The following SLC25A37 variants were observed in gnomAD, a reference collection of about 807,000 sequenced individuals.
SLC25A37 encodes solute carrier family 25 member 37, also known as mitoferrin-1.
A neutral mutation model predicts 31.0 loss-of-function variants in SLC25A37; 17 were observed. The observed-to-expected ratio is 0.55, with a 90% CI of 0.38 to 0.82. The LOEUF (loss-of-function observed/expected upper bound fraction) is 0.82. Among genes scored for constraint, SLC25A37 ranks in the 40% least tolerant of loss-of-function variants. The pLI is 0.00. For synonymous variants in SLC25A37, 222 were observed against 193.0 expected, an observed-to-expected ratio of 1.15 and a Z score of -1.24; for missense variants, 404 against 465.8, an observed-to-expected ratio of 0.87 and a Z score of 1.22.
In SLC25A37 at chr8:23,529,232, C is replaced by T. The variant is rs1192130050; in HGVS notation, c.210+20C>T. On this transcript the variant is annotated intron_variant, in intron 1 of 3. Transcript: ENST00000519973. This position sits in a 1 kb window ranked among gnomAD's most constrained non-coding sequence, Gnocchi z 4.1. ...GTGAAGGTGAGGCGCGGGGAGACTT[C>T]GGGGACGCAACGAGCGGAGAAGGAG... 2.5e-6 allele frequency: 4 copies of T among 1,597,050 alleles called. No individual in the cohort carries two copies. The highest frequency in any genetic ancestry group is 2.3e-5 in the East Asian group (1 of 43,226).
At chr8:23,547,622 C>T (rs1802103077) in intron 1 of SLC25A37, among the ~76,000 whole-genome samples, 1 of 152,190 alleles carries the variant, frequency 6.6e-6, no homozygotes, top group South Asian at 2.1e-4. Context: ...AGCACTTTTG[C>T]TTTGCAGCGG....
chr8:23,545,510 G>T (rs1367956034), intron 1 of SLC25A37, among the ~76,000 whole-genome samples: 1 of 152,244 alleles, frequency 6.6e-6, no homozygotes, highest in African/African-American at 2.4e-5. Flanking sequence ...CAACAGGCCA[G>T]TGCGGTGACG....
In SLC25A37 at chr8:23,573,716, A is replaced by G. The variant is rs1162566351; in HGVS notation, c.*1861A>G. On this transcript the variant is annotated 3_prime_UTR_variant, in exon 4 of 4. Transcript: ENST00000519973. ...TCAGATCAGGGATGGGAAAGAGCCAAACTGGGTACCTCCCACGTGTGCCCC... is the reference window on the plus strand; with the variant it reads ...TCAGATCAGGGATGGGAAAGAGCCAGACTGGGTACCTCCCACGTGTGCCCC... The G allele has an allele frequency of 6.8e-6, 3 of 440,108 alleles. No homozygotes were observed. In the Admixed American group the frequency reaches 7.2e-5, roughly 11 times the overall value. 27.3% of individuals were successfully genotyped at this position (440,108 alleles called of 1,614,324 possible). A position where few individuals can be genotyped will look rare whatever the true frequency, so the allele number is the denominator to read the frequency against.
In SLC25A37 at chr8:23,572,238, AAAAAAAAAAATTT is replaced by A. The variant is rs1802878695; in HGVS notation, c.*385_*397del. ...AAAAAAAAAAAAAAAAAAAAAAAAA[AAAAAAAAAAATTT>A]ATGTATATAAAAGTTGCATTACACA... is the stretch of plus-strand genomic sequence containing the variant. On this transcript the variant is annotated 3_prime_UTR_variant, in exon 4 of 4. Coordinates refer to ENST00000519973, the MANE Select transcript of SLC25A37 (RefSeq NM_016612.4). 1 of 67,196 alleles carries A rather than the reference AAAAAAAAAAATTT, an allele frequency of 1.5e-5. No individual in the cohort carries two copies. The highest frequency in any genetic ancestry group is 4.4e-5 in the Non-Finnish European group (1 of 22,510). 4.2% of individuals were successfully genotyped at this position (67,196 alleles called of 1,614,324 possible).
chr8:23,568,237 C>T, intron 2 of SLC25A37, 85 bp from the exon 3 acceptor site: 1 of 1,479,944 alleles, frequency 6.8e-7, no homozygotes, highest in Non-Finnish European at 9.5e-7. Flanking sequence ...AAAGCTAAGT[C>T]CTGGGTTCCG....
At chr8:23,544,943 C>G (rs1279892729) in intron 1 of SLC25A37, among the ~76,000 whole-genome samples, 1 of 152,158 alleles carries the variant, frequency 6.6e-6, no homozygotes, top group East Asian at 1.9e-4. Flanking sequence ...ACTAAGGACC[C>G]GAGGAGGGTG....
In SLC25A37 at chr8:23,574,125, A is replaced by G. The variant is rs1802931202; in HGVS notation, c.*2270A>G. 1 of 333,244 alleles carries G rather than the reference A, an allele frequency of 3.0e-6. No homozygotes were observed. Among genetic ancestry groups the G allele is most frequent in the Non-Finnish European group, 6.0e-6 (1 of 166,882 alleles). 20.6% of individuals were successfully genotyped at this position (333,244 alleles called of 1,614,324 possible). A position where few individuals can be genotyped will look rare whatever the true frequency, so the allele number is the denominator to read the frequency against. ...GCTTTCACTGGTGTTTAGAAAATAA[A>G]CTTGATTTCTCTAGGAGCACTCCTT... On this transcript the variant is annotated 3_prime_UTR_variant, in exon 4 of 4. Coordinates refer to ENST00000519973, the MANE Select transcript of SLC25A37 (RefSeq NM_016612.4).
At chr8:23,544,448 CTG>C (rs1354002305) in intron 1 of SLC25A37, among the ~76,000 whole-genome samples, 2 of 152,172 alleles carry the variant, frequency 1.3e-5, no homozygotes, top group African/African-American at 4.8e-5. Flanking sequence ...TGGGGTATGA[CTG>C]TGGGTGCTGG....
At chr8:23,537,195 C>CA (rs71550712) in intron 1 of SLC25A37, among the ~76,000 whole-genome samples, 62,544 of 117,040 alleles carry the variant, frequency 0.53, 18,850 homozygotes, top group Non-Finnish European at 0.67. Flanking sequence ...GACCCTGTCT[C>CA]AAAAAAAAAA....
At position 23,571,264 on chromosome 8, in the gene SLC25A37, TG is replaced by T. The variant is rs369347647; in HGVS notation, c.497-67del. ...TTTATGGCTTGGCTTCATTCCGACCTGGGGTGGGGCCACATCCAACCCACTG... is the reference window on the plus strand; with the variant it reads ...TTTATGGCTTGGCTTCATTCCGACCTGGGTGGGGCCACATCCAACCCACTG... On this transcript the variant is annotated intron_variant, in intron 3 of 3. Transcript: ENST00000519973. The T allele has an allele frequency of 8.4e-5, 122 of 1,454,356 alleles. No individual in the cohort carries two copies. The African/African-American group carries it at 1.5e-3, about 18-fold the overall frequency. 90.1% of individuals were successfully genotyped at this position (1,454,356 alleles called of 1,614,324 possible).
In SLC25A37 at chr8:23,529,089, C is replaced by A; in HGVS notation, c.87C>A (p.Asp29Glu). ...GDSRDGGGGK[D>E]ATGSEDYENL... is the part of the protein sequence containing the mutation. ...GCCGAGATGGCGGCGGCGGCAAGGA[C>A]GCCACCGGGTCGGAGGACTACGAGA... The change falls in exon 1 of 4, where the codon GAC becomes GAA. Residue 29 changes from aspartate (D) to glutamate (E), a missense_variant. This residue lies in a region of SLC25A37 where 154 missense variants were observed against 153.6 expected (regional missense o/e 1.00). Transcript: ENST00000519973. The surrounding 1 kb of genome is among the most constrained non-coding windows in gnomAD (Gnocchi z 4.1). 1 of 1,604,146 alleles carries A rather than the reference C, an allele frequency of 6.2e-7. No homozygotes were observed. The highest frequency in any genetic ancestry group is 8.5e-7 in the Non-Finnish European group (1 of 1,176,320).
chr8:23,569,728 CAG>C (rs1301723094), intron 3 of SLC25A37, among the ~76,000 whole-genome samples: 1 of 151,934 alleles, frequency 6.6e-6, no homozygotes, highest in African/African-American at 2.4e-5. Context: ...CTGGGCAGAC[CAG>C]AGTCTGTTCC....
rs529661260 is a variant in SLC25A37 at position 23,571,019 on chromosome 8, G to A, written c.497-316G>A. On this transcript the variant is annotated intron_variant, in intron 3 of 3. Transcript: ENST00000519973. ...AGGGGTAGCCAGGATCTGGGAAACAGATCAGCGACTCTAGTCTGAAGTGGC... is the reference window on the plus strand; with the variant it reads ...AGGGGTAGCCAGGATCTGGGAAACAAATCAGCGACTCTAGTCTGAAGTGGC... 4.6e-5 allele frequency among the ~76,000 whole-genome samples: 7 copies of A among 152,252 alleles called. No individual in the cohort carries two copies. In the East Asian group the frequency reaches 1.4e-3, roughly 30 times the overall value.
At position 23,529,136 on chromosome 8, in the gene SLC25A37, T is replaced by G; in HGVS notation, c.134T>G (p.Val45Gly). The change falls in exon 1 of 4, where the codon GTG (valine) becomes GGG (glycine). Residue 45 changes from valine (V) to glycine (G), a missense_variant. By Grantham distance (109) the Val-to-Gly change is moderately radical. Coordinates refer to ENST00000519973, the MANE Select transcript of SLC25A37 (RefSeq NM_016612.4). The surrounding 1 kb of genome is among the most constrained non-coding windows in gnomAD (Gnocchi z 4.1). ...GAGAACCTGCCGACTAGCGCCTCCG[T>G]GTCCACCCACATGACAGCAGGAGCG... is the stretch of plus-strand genomic sequence containing the variant. ...DYENLPTSASVSTHMTAGAMA... is the reference protein window; with the variant it reads ...DYENLPTSASGSTHMTAGAMA... 1 of 1,611,718 alleles carries G rather than the reference T, an allele frequency of 6.2e-7. No individual in the cohort carries two copies. The highest frequency in any genetic ancestry group is 8.5e-7 in the Non-Finnish European group (1 of 1,179,242).
intron 1 of SLC25A37, among the ~76,000 whole-genome samples, chr8:23,551,068 G>A (rs1253643838): frequency 6.6e-6 from 1 of 152,204 alleles, no homozygotes; most frequent in Non-Finnish European, 1.5e-5. Flanking sequence ...TGGCCCTCAA[G>A]GTCCCTGCCT....
rs1802827123 is a variant in SLC25A37 at position 23,571,363 on chromosome 8, C to T, written c.525C>T (p.Asn175=). Residue 175 remains asparagine, a synonymous_variant, in exon 4 of 4, where the codon AAC becomes AAT. Transcript: ENST00000519973. ...TGAAGCAGCGCTTGCAGATGTACAA[C>T]TCGCAGCACCGGTCAGCAATCAGCT... ...EVVKQRLQMY[N]SQHRSAISCI... 6.2e-7 allele frequency: 1 copy of T among 1,603,108 alleles called. No individual in the cohort carries two copies. Among genetic ancestry groups the T allele is most frequent in the Middle Eastern group, 1.7e-4 (1 of 5,974 alleles).
chr8:23,530,113 G>A (rs984313287), intron 1 of SLC25A37, among the ~76,000 whole-genome samples: 1 of 152,214 alleles, frequency 6.6e-6, no homozygotes, highest in African/African-American at 2.4e-5. Flanking sequence ...AGTGCAGGAA[G>A]TAATGCCAGT....
rs894708716 is a variant in SLC25A37 at position 23,572,916 on chromosome 8, G to C, written c.*1061G>C. 2.0e-5 allele frequency: 3 copies of C among 152,256 alleles called. No individual in the cohort carries two copies. The highest frequency in any genetic ancestry group is 4.4e-5 in the Non-Finnish European group (3 of 68,056). The allele number at this position is 152,256 out of a possible 1,614,324, so 9.4% of individuals were successfully genotyped here. A position where few individuals can be genotyped will look rare whatever the true frequency, so the allele number is the denominator to read the frequency against. On this transcript the variant is annotated 3_prime_UTR_variant, in exon 4 of 4. Coordinates refer to ENST00000519973, the MANE Select transcript of SLC25A37 (RefSeq NM_016612.4). The stretch of plus-strand genomic sequence containing the variant: ...CTTGATAGGCAGCATTTGGCGACTT[G>C]TGGGGCAGGTGTTTGGGATAAATCC...
chr8:23,571,398 C>T lies in SLC25A37; in HGVS notation c.560C>T (p.Thr187Met). The change falls in exon 4 of 4, where the codon ACG becomes ATG. Residue 187 changes from threonine to methionine, a missense_variant. This residue lies in a region of SLC25A37 where 243 missense variants were observed against 284.4 expected (regional missense o/e 0.85). Coordinates refer to ENST00000519973, the MANE Select transcript of SLC25A37 (RefSeq NM_016612.4). Reference sequence around the variant, plus strand: ...CGGTCAGCAATCAGCTGCATCCGGACGGTGTGGAGGACCGAGGGGTTGGGG... The same window carrying T: ...CGGTCAGCAATCAGCTGCATCCGGATGGTGTGGAGGACCGAGGGGTTGGGG... ...QHRSAISCIRTVWRTEGLGAF... is the reference protein window; with the variant it reads ...QHRSAISCIRMVWRTEGLGAF... 8 of 1,613,258 alleles carry T rather than the reference C, an allele frequency of 5.0e-6. No homozygotes were observed. Among genetic ancestry groups the T allele is most frequent in the Non-Finnish European group, 6.8e-6 (8 of 1,179,518 alleles).
Sources: gnomAD v4.1 joint callset for allele counts (sites outside exome capture counted in the v4.1 genomes callset) on GRCh38, gnomAD v4.1.1 for gene constraint, gnomAD v4.1.1 regional missense constraint, Gnocchi (gnomAD v3.1) non-coding constraint, MANE v1.5 for transcripts, NCBI Gene and HGNC (gene_info 2026-07-23, HGNC 2026-07-21) for gene names.